REPIN1: variants seen among roughly 807,000 people sequenced by gnomAD.
REPIN1 encodes DNA-binding protein REPIN1.
A neutral mutation model predicts 5.7 loss-of-function variants in REPIN1; 4 were observed. That is an observed-to-expected ratio of 0.71 (90% CI 0.35 to 1.62). REPIN1 has a LOEUF of 1.62. Ranked by LOEUF, REPIN1 falls within the 40% of genes most tolerant of loss-of-function variation. The pLI is 0.05. For missense variants in REPIN1, 854 were observed against 901.0 expected (o/e 0.95, Z 0.67); for synonymous variants, 410 against 386.2 (o/e 1.06, Z -0.72).
rs761052361 is a variant in REPIN1 at position 150,372,547 on chromosome 7, T to G, written c.1477T>G (p.Cys493Gly). Residue 493 changes from cysteine to glycine, a missense_variant, in exon 3 of 3, where the codon TGC (cysteine) becomes GGC (glycine). Cys to Gly is a radical substitution (Grantham distance 159, BLOSUM62 -3). Transcript: ENST00000489432. ...SGERPFACEECGRRFSQGSHL... is the reference protein window; with the variant it reads ...SGERPFACEEGGRRFSQGSHL... Reference sequence around the variant, plus strand: ...CGAGCGGCCCTTCGCCTGCGAGGAGTGCGGCCGCCGCTTCTCCCAGGGCAG... The same window carrying G: ...CGAGCGGCCCTTCGCCTGCGAGGAGGGCGGCCGCCGCTTCTCCCAGGGCAG... 3 of 1,575,310 alleles carry G rather than the reference T, an allele frequency of 1.9e-6. No individual in the cohort carries two copies.
chr7:150,369,023 C>T, intron 1 of REPIN1, 82 bp downstream of exon 1: 1 of 364,536 alleles, frequency 2.7e-6, no homozygotes, highest in Non-Finnish European at 4.8e-6. Context: ...CGTGAGTGTG[C>T]GCGACCGTGT....
Position 150,372,987 on chromosome 7 carries a change from C to A in REPIN1, c.*42C>A. On this transcript the variant is annotated 3_prime_UTR_variant, in exon 3 of 3. Coordinates refer to ENST00000489432, the MANE Select transcript of REPIN1 (RefSeq NM_001099695.2). ...GTGTTGGCTGAGAGAGGGCTGGGGT[C>A]CTTCGTGGTGGGAGTCGCAGTGGGC... is the stretch of plus-strand genomic sequence containing the variant. The A allele has an allele frequency of 6.3e-7, 1 of 1,580,396 alleles. No individual in the cohort carries two copies. The highest frequency in any genetic ancestry group is 1.2e-5 in the South Asian group (1 of 84,966).
chr7:150,371,697 A>G lies in REPIN1; in HGVS notation c.627A>G (p.Arg209=). Residue 209 remains arginine (R), a synonymous_variant, in exon 3 of 3, where the codon AGA becomes AGG. Transcript: ENST00000489432. ...KRPIACPKCE[R]RFWRRKQLRA... ...CCATCGCTTGTCCCAAATGCGAGAGACGCTTCTGGCGACGAAAGCAGCTTC... is the reference window on the plus strand; with the variant it reads ...CCATCGCTTGTCCCAAATGCGAGAGGCGCTTCTGGCGACGAAAGCAGCTTC... 1 of 1,606,592 alleles carries G rather than the reference A, an allele frequency of 6.2e-7. No individual in the cohort carries two copies. The highest frequency in any genetic ancestry group is 8.5e-7 in the Non-Finnish European group (1 of 1,179,832).
rs755997514 is a variant in REPIN1, at chr7:150,372,585, G to T, written c.1515G>T (p.Ala505=). Residue 505 remains alanine (A), a synonymous_variant, in exon 3 of 3, where the codon GCG becomes GCT. Coordinates refer to ENST00000489432, the MANE Select transcript of REPIN1 (RefSeq NM_001099695.2). Reference sequence around the variant, plus strand: ...TCTCCCAGGGCAGCCATCTGGCGGCGCATCGGCGCGACCACGCCCCCGATC... The same window carrying T: ...TCTCCCAGGGCAGCCATCTGGCGGCTCATCGGCGCGACCACGCCCCCGATC... ...RRFSQGSHLA[A]HRRDHAPDRP... The T allele has an allele frequency of 2.5e-6, 4 of 1,602,770 alleles. No homozygotes were observed. In the South Asian group the frequency reaches 3.3e-5, roughly 13 times the overall value.
chr7:150,372,226 A>T lies in REPIN1; in HGVS notation c.1156A>T (p.Ser386Cys). 1 of 1,564,474 alleles carries T rather than the reference A, an allele frequency of 6.4e-7. No individual in the cohort carries two copies. Among genetic ancestry groups the T allele is most frequent in the South Asian group, 1.1e-5 (1 of 87,022 alleles). The change falls in exon 3 of 3, where the codon AGC becomes TGC. Residue 386 changes from serine (S) to cysteine (C), a missense_variant. Coordinates refer to ENST00000489432, the MANE Select transcript of REPIN1 (RefSeq NM_001099695.2). ...GSAQAAPGPGSPQLPAGPQES... is the reference protein window; with the variant it reads ...GSAQAAPGPGCPQLPAGPQES... The stretch of plus-strand genomic sequence containing the variant: ...GGCCCAGGCCGCCCCCGGCCCGGGG[A>T]GCCCCCAGCTGCCAGCCGGCCCCCA...
At position 150,371,293 on chromosome 7, in the gene REPIN1, C is replaced by G. The variant is rs764231710; in HGVS notation, c.223C>G (p.Arg75Gly). The change falls in exon 3 of 3, where the codon CGA (arginine) becomes GGA (glycine). Residue 75 changes from arginine to glycine, a missense_variant. This residue lies in a region of REPIN1 where 409 missense variants were observed against 418.6 expected (regional missense o/e 0.98). Transcript: ENST00000489432. ...CCTGGCCATGGGCCTGGCCCAGCCC[C>G]GACTCCTTTCTGGGCCCTCCCAGGA... ...GPLAMGLAQP[R>G]LLSGPSQESP... is the part of the protein sequence containing the mutation. 6.3e-6 allele frequency: 10 copies of G among 1,592,748 alleles called. No individual in the cohort carries two copies. The South Asian group carries it at 6.8e-5, about 11-fold the overall frequency.
chr7:150,369,010 G>A (rs1799159057), intron 1 of REPIN1, 69 bp downstream of exon 1: 2 of 347,338 alleles, frequency 5.8e-6, no homozygotes, highest in African/African-American at 2.2e-5. Flanking sequence ...CGGGGCGCGT[G>A]ACCGTGAGTG....
chr7:150,369,977 C>G (rs1480195944), intron 2 of REPIN1, 109 bp downstream of exon 2: 3 of 1,322,556 alleles, frequency 2.3e-6, no homozygotes, highest in Admixed American at 2.5e-5. Context: ...GGGGTCTTCC[C>G]TGTGCACAGT....
At position 150,369,736 on chromosome 7, in the gene REPIN1, C is replaced by G. The variant is rs776258493; in HGVS notation, c.25C>G (p.Leu9Val). MGIGVSLL[L>V]QFSLTPGGYR... ...CATGGGGATAGGGGTGTCTTTATTA[C>G]TGCAGTTTTCTCTAACACCTGGGGG... The change falls in exon 2 of 3, where the codon CTG (leucine) becomes GTG (valine). Residue 9 changes from leucine (L) to valine (V), a missense_variant. By Grantham distance (32) the Leu-to-Val change is conservative (BLOSUM62 1). Coordinates refer to ENST00000489432, the MANE Select transcript of REPIN1 (RefSeq NM_001099695.2). 16 of 1,613,830 alleles carry G rather than the reference C, an allele frequency of 9.9e-6. No homozygotes were observed. The East Asian group carries it at 3.6e-4, about 36-fold the overall frequency.
In REPIN1 at chr7:150,372,204, C is replaced by T; in HGVS notation, c.1134C>T (p.Ala378=). The change falls in exon 3 of 3, where the codon GCC becomes GCT. Residue 378 remains alanine (A), a synonymous_variant. Transcript: ENST00000489432. ...TTCACAAGCGATCCGAGGGGTCGGCCCAGGCCGCCCCCGGCCCGGGGAGCC... is the reference window on the plus strand; with the variant it reads ...TTCACAAGCGATCCGAGGGGTCGGCTCAGGCCGCCCCCGGCCCGGGGAGCC... ...SKIHKRSEGS[A]QAAPGPGSPQ... 6.3e-7 allele frequency: 1 copy of T among 1,591,524 alleles called. No homozygotes were observed. Among genetic ancestry groups the T allele is most frequent in the Non-Finnish European group, 8.5e-7 (1 of 1,172,638 alleles).
At position 150,373,085 on chromosome 7, in the gene REPIN1, G is replaced by A; in HGVS notation, c.*140G>A. 1 of 1,253,394 alleles carries A rather than the reference G, an allele frequency of 8.0e-7. No individual in the cohort carries two copies. The highest frequency in any genetic ancestry group is 1.1e-6 in the Non-Finnish European group (1 of 914,976). The allele number at this position is 1,253,394 out of a possible 1,614,324, so 77.6% of individuals were successfully genotyped here. On this transcript the variant is annotated 3_prime_UTR_variant, in exon 3 of 3. Transcript: ENST00000489432. Reference sequence around the variant, plus strand: ...AGGGGATGGAAGACGCGGGGAGTGAGCTGGGTGGGCCCTGCTAGCGAGAGA... The same window carrying A: ...AGGGGATGGAAGACGCGGGGAGTGAACTGGGTGGGCCCTGCTAGCGAGAGA...
upstream of REPIN1, chr7:150,368,369 G>A (rs1489712806): frequency 6.6e-6 from 1 of 151,708 alleles, no homozygotes; most frequent in African/African-American, 2.4e-5. Flanking sequence ...TCCGCACTGC[G>A]GCCGGGGTGC....
intron 1 of REPIN1, 162 bp downstream of exon 1, chr7:150,369,103 G>A (rs1202054858): frequency 1.7e-5 from 6 of 354,306 alleles, no homozygotes; most frequent in Non-Finnish European, 2.5e-5. Context: ...CAGGCTCCGC[G>A]AGCTGCGCCG....
At position 150,372,285 on chromosome 7, in the gene REPIN1, T is replaced by A. The variant is rs778365198; in HGVS notation, c.1215T>A (p.Pro405=). 8.5e-6 allele frequency: 13 copies of A among 1,521,138 alleles called. No individual in the cohort carries two copies. Among genetic ancestry groups the A allele is most frequent in the Admixed American group, 2.1e-5 (1 of 47,408 alleles). The allele number at this position is 1,521,138 out of a possible 1,614,324, so 94.2% of individuals were successfully genotyped here. A position where few individuals can be genotyped will look rare whatever the true frequency, so the allele number is the denominator to read the frequency against. ...ESAAEPTPAV[P]LKPAQEPPPG... is the part of the protein sequence containing the mutation. ...CGGCCGAGCCCACCCCGGCGGTACC[T>A]CTGAAACCGGCCCAGGAGCCGCCGC... Residue 405 remains proline, a synonymous_variant, in exon 3 of 3, where the codon CCT becomes CCA. Transcript: ENST00000489432.
At chr7:150,368,515 T>A (rs1296163654), upstream of REPIN1, among the ~76,000 whole-genome samples, 2 of 151,936 alleles carry the variant, frequency 1.3e-5, no homozygotes, top group Non-Finnish European at 2.9e-5. Flanking sequence ...AGCCACGCGG[T>A]CGCCCGGGGA....
chr7:150,371,790 C>T lies in REPIN1; in HGVS notation c.720C>T (p.Gly240=). 2 of 1,611,322 alleles carry T rather than the reference C, an allele frequency of 1.2e-6. No homozygotes were observed. Among genetic ancestry groups the T allele is most frequent in the Non-Finnish European group, 1.7e-6 (2 of 1,179,556 alleles). The change falls in exon 3 of 3, where the codon GGC becomes GGT. Residue 240 remains glycine (G), a synonymous_variant. Coordinates refer to ENST00000489432, the MANE Select transcript of REPIN1 (RefSeq NM_001099695.2). ...GGCCCTTCATATGCGGCAACTGTGG[C>T]CGGAGCTTTGCCCAGTGGGACCAGC... ...EARPFICGNC[G]RSFAQWDQLV...
rs764999109 is a variant in REPIN1, at chr7:150,371,916, C to G, written c.846C>G (p.Pro282=). 1.2e-5 allele frequency: 20 copies of G among 1,608,418 alleles called. No individual in the cohort carries two copies. In the South Asian group the frequency reaches 1.8e-4, roughly 14 times the overall value. Residue 282 remains proline (P), a synonymous_variant, in exon 3 of 3, where the codon CCC becomes CCG. Coordinates refer to ENST00000489432, the MANE Select transcript of REPIN1 (RefSeq NM_001099695.2). ...RPRGRPAVTA[P]RPGGDAVDRP... is the part of the protein sequence containing the mutation. ...GGGGCCGCCCCGCGGTGACCGCCCCCCGGCCCGGTGGAGATGCCGTCGACC... is the reference window on the plus strand; with the variant it reads ...GGGGCCGCCCCGCGGTGACCGCCCCGCGGCCCGGTGGAGATGCCGTCGACC...
Position 150,372,565 on chromosome 7 carries a change from C to A in REPIN1, c.1495C>A (p.Gln499Lys). 6.3e-7 allele frequency: 1 copy of A among 1,597,944 alleles called. No individual in the cohort carries two copies. The highest frequency in any genetic ancestry group is 8.5e-7 in the Non-Finnish European group (1 of 1,175,164). Reference sequence around the variant, plus strand: ...CGAGGAGTGCGGCCGCCGCTTCTCCCAGGGCAGCCATCTGGCGGCGCATCG... The same window carrying A: ...CGAGGAGTGCGGCCGCCGCTTCTCCAAGGGCAGCCATCTGGCGGCGCATCG... ...ACEECGRRFS[Q>K]GSHLAAHRRD... Residue 499 changes from glutamine to lysine, a missense_variant, in exon 3 of 3, where the codon CAG becomes AAG. Gln to Lys is a moderately conservative substitution (Grantham distance 53). Transcript: ENST00000489432.
chr7:150,372,519 C>G lies in REPIN1; in HGVS notation c.1449C>G (p.Ser483=). The stretch of plus-strand genomic sequence containing the variant: ...TGGTGGCGCACTCGCGCGTGCACTC[C>G]GGCGAGCGGCCCTTCGCCTGCGAGG... ...THLVAHSRVH[S]GERPFACEEC... is the part of the protein sequence containing the mutation. The change falls in exon 3 of 3, where the codon TCC becomes TCG. Residue 483 remains serine, a synonymous_variant. Transcript: ENST00000489432. 1 of 1,553,652 alleles carries G rather than the reference C, an allele frequency of 6.4e-7. No individual in the cohort carries two copies. The highest frequency in any genetic ancestry group is 8.6e-7 in the Non-Finnish European group (1 of 1,156,592).
Sources: allele counts gnomAD v4.1 joint callset (sites outside exome capture counted in the v4.1 genomes callset), GRCh38; gene constraint gnomAD v4.1.1; regional missense constraint gnomAD v4.1.1; transcripts MANE v1.5; gene names NCBI Gene and HGNC (gene_info 2026-07-23, HGNC 2026-07-21).